Variants in FAT3 observed in about 807,000 individuals in gnomAD.
FAT3 encodes FAT atypical cadherin 3.
Under a neutral mutation model 310.2 loss-of-function variants are expected in FAT3, and 95 were observed. That is an observed-to-expected ratio of 0.31 (90% confidence interval 0.26 to 0.36). The LOEUF is 0.36. FAT3 is among the 10% of genes least tolerant of loss of function. The probability of loss-of-function intolerance (pLI) is 1.00; values close to 1 mark genes in which losing one functional copy is unlikely to be tolerated. For synonymous variants in FAT3, 2,314 were observed against 2,192.9 expected (o/e 1.06, Z -1.54); for missense variants, 5,408 against 5,715.6 (o/e 0.95, Z 1.74).
At chr11:92,393,247 AGTGT>A (rs1949788141) in intron 2 of FAT3, among the ~76,000 whole-genome samples, 1 of 151,026 alleles carries the variant, frequency 6.6e-6, no homozygotes, top group Non-Finnish European at 1.5e-5. Context: ...TGTGTGCCTG[AGTGT>A]GTGTATGCAC....
chr11:92,329,922 G>A (rs1947868975), intron 1 of FAT3, among the ~76,000 whole-genome samples: 1 of 151,466 alleles, frequency 6.6e-6, no homozygotes, highest in Non-Finnish European at 1.5e-5. Context: ...AGGAAGATTT[G>A]ACCTGTGCTT....
intron 1 of FAT3, among the ~76,000 whole-genome samples, chr11:92,301,450 G>A (rs998470281): frequency 2.0e-5 from 3 of 152,088 alleles, no homozygotes; most frequent in Non-Finnish European, 4.4e-5. Flanking sequence ...TGCCCCTTCC[G>A]TTAGGAGGGA....
chr11:92,821,913 A>T (rs1317549963), intron 13 of FAT3, among the ~76,000 whole-genome samples: 1 of 152,184 alleles, frequency 6.6e-6, no homozygotes, highest in Non-Finnish European at 1.5e-5. Flanking sequence ...CTGTGTCAGA[A>T]TCCTCTGGAG....
intron 3 of FAT3, among the ~76,000 whole-genome samples, chr11:92,628,371 C>T (rs1003894405): frequency 6.6e-6 from 1 of 152,160 alleles, no homozygotes; most frequent in Non-Finnish European, 1.5e-5. Flanking sequence ...TTCTGTTCTT[C>T]GTGTTTTCCT....
intron 4 of FAT3, among the ~76,000 whole-genome samples, chr11:92,708,249 A>C (rs1023599618): frequency 2.6e-5 from 4 of 152,228 alleles, no homozygotes; most frequent in African/African-American, 9.6e-5. Context: ...TTGGGAGTGT[A>C]GAACTGTAAG....
intron 1 of FAT3, among the ~76,000 whole-genome samples, chr11:92,311,798 A>C (rs988131482): frequency 6.6e-6 from 1 of 152,166 alleles, no homozygotes; most frequent in African/African-American, 2.4e-5. Context: ...CCTAACCCTC[A>C]TCCCAGTCCC....
At position 92,837,692 on chromosome 11, in the gene FAT3, C is replaced by T. The variant is rs537179890; in HGVS notation, c.10254C>T (p.Ala3418=). Residue 3418 remains alanine (A), a synonymous_variant, in exon 17 of 28, where the codon GCC becomes GCT. Coordinates refer to ENST00000525166, the MANE Select transcript of FAT3 (RefSeq NM_001367949.2). The part of the protein sequence containing the change: ...RVSGYSLLVQ[A]VDSGIPAMSS... Reference sequence around the variant, plus strand: ...CTGGATACTCTCTGCTTGTCCAGGCCGTAGACAGTGGCATTCCTGCAATGT... The same window carrying T: ...CTGGATACTCTCTGCTTGTCCAGGCTGTAGACAGTGGCATTCCTGCAATGT... 17 of 1,613,842 alleles carry T rather than the reference C, an allele frequency of 1.1e-5. No individual in the cohort carries two copies. The highest frequency in any genetic ancestry group is 3.3e-5 in the Admixed American group (2 of 60,012).
At chr11:92,674,637 C>T (rs554111880) in intron 3 of FAT3, among the ~76,000 whole-genome samples, 166 of 152,164 alleles carry the variant, frequency 1.1e-3, no homozygotes, top group African/African-American at 3.9e-3. Flanking sequence ...ATTCTCCCAC[C>T]TCAGCCTCCC....
chr11:92,246,420 T>C (rs529005532), intron 1 of FAT3, among the ~76,000 whole-genome samples: 2 of 151,936 alleles, frequency 1.3e-5, no homozygotes, highest in Admixed American at 1.3e-4. Flanking sequence ...GAGGGATAAT[T>C]AAATGAGAAA....
At chr11:92,333,621 A>T (rs1199000980) in intron 1 of FAT3, among the ~76,000 whole-genome samples, 2 of 152,230 alleles carry the variant, frequency 1.3e-5, no homozygotes, top group Non-Finnish European at 2.9e-5. Context: ...TCCAGATTCT[A>T]GCCTTGATCA....
chr11:92,559,863 G>A (rs1955161087), intron 3 of FAT3, among the ~76,000 whole-genome samples: 1 of 152,136 alleles, frequency 6.6e-6, no homozygotes, highest in South Asian at 2.1e-4. Context: ...CCATTCATCA[G>A]CTGATGGACG....
At chr11:92,513,854 G>A (rs78460237) in intron 2 of FAT3, among the ~76,000 whole-genome samples, 2,595 of 152,136 alleles carry the variant, frequency 0.017, 36 homozygotes, top group African/African-American at 0.041. Context: ...ATAAACACAT[G>A]ACCCCCAAAG....
At chr11:92,736,330 T>G (rs1391161246) in intron 4 of FAT3, among the ~76,000 whole-genome samples, 1 of 152,122 alleles carries the variant, frequency 6.6e-6, no homozygotes, top group Non-Finnish European at 1.5e-5. Context: ...CCTTCCAAGA[T>G]GCTCACCAAG....
chr11:92,749,580 A>G (rs568828782), intron 4 of FAT3, among the ~76,000 whole-genome samples: 1 of 152,326 alleles, frequency 6.6e-6, no homozygotes, highest in African/African-American at 2.4e-5. Context: ...AACAGAAGTA[A>G]GGAAAGGCAG....
chr11:92,512,887 CCGAGGCGGGCGGATCACGAGGTCAGGAGA>C (rs1591385765), intron 2 of FAT3, among the ~76,000 whole-genome samples: 7 of 96,974 alleles, frequency 7.2e-5, no homozygotes, highest in South Asian at 3.5e-4. Flanking sequence ...CTTTGGGAGG[CCGAGGCGGGCGGATCACGAGGTCAGGAGA>C]TCGAGACCAT....
chr11:92,862,652 T>C (rs1303751669), intron 21 of FAT3, among the ~76,000 whole-genome samples: 1 of 152,152 alleles, frequency 6.6e-6, no homozygotes, highest in Non-Finnish European at 1.5e-5. Context: ...CCAATATAGA[T>C]CAAAAGAGTA....
intron 2 of FAT3, among the ~76,000 whole-genome samples, chr11:92,403,851 A>G (rs1015767390): frequency 1.3e-5 from 2 of 152,176 alleles, no homozygotes; most frequent in African/African-American, 2.4e-5. Flanking sequence ...CCTGGCTAAC[A>G]TGGTGAAACC....
intron 12 of FAT3, 45 bp from the exon 13 acceptor site, chr11:92,809,798 G>C: frequency 6.7e-7 from 1 of 1,496,330 alleles, no homozygotes; most frequent in Non-Finnish European, 9.2e-7. Flanking sequence ...AAGAAAGACA[G>C]TTTTTAAAAA....
chr11:92,361,442 T>C (rs543443990), intron 2 of FAT3, among the ~76,000 whole-genome samples: 15 of 150,468 alleles, frequency 1.0e-4, no homozygotes, highest in African/African-American at 3.7e-4. Flanking sequence ...TGGGAAGGGA[T>C]TGAATCACGA....
Sources: gnomAD v4.1 joint callset for allele counts (sites outside exome capture counted in the v4.1 genomes callset) on GRCh38, gnomAD v4.1.1 for gene constraint, MANE v1.5 for transcripts, NCBI Gene and HGNC (gene_info 2026-07-23, HGNC 2026-07-21) for gene names.